Variants in CHODL observed in about 807,000 individuals in gnomAD.
CHODL encodes transmembrane protein MT75.
CHODL carries 29 observed loss-of-function variants against 34.5 expected under a neutral mutation model. The ratio of observed to expected loss-of-function variants is 0.84; its 90% CI spans 0.63 to 1.15. CHODL has a LOEUF of 1.15. Ranked by LOEUF, CHODL falls within the 50% of genes most tolerant of loss-of-function variation. The pLI, the probability that CHODL is intolerant of heterozygous loss-of-function variation, is 0.00. For missense variants in CHODL, 332 were observed against 332.5 expected (o/e 1.00, Z 0.01); for synonymous variants, 125 against 116.1 (o/e 1.08, Z -0.49).
intron 1 of CHODL, among the ~76,000 whole-genome samples, chr21:17,995,028 A>C (rs916665586): frequency 6.6e-6 from 1 of 152,096 alleles, no homozygotes; most frequent in Non-Finnish European, 1.5e-5. Context: ...AGGGCACTGC[A>C]TGGGCCAGAG....
At chr21:18,011,871 T>C (rs902438453) in intron 1 of CHODL, among the ~76,000 whole-genome samples, 3 of 152,254 alleles carry the variant, frequency 2.0e-5, no homozygotes, top group Non-Finnish European at 2.9e-5. Flanking sequence ...GAGTATTCTG[T>C]TCTGCAAAAT....
upstream of CHODL, among the ~76,000 whole-genome samples, chr21:18,241,667 G>A (rs1316208162): frequency 1.3e-5 from 2 of 152,154 alleles, no homozygotes; most frequent in African/African-American, 4.8e-5. Context: ...GGCGCATGAA[G>A]CAGATGCTCA....
chr21:18,175,183 C>G (rs71319675), intron 2 of CHODL, among the ~76,000 whole-genome samples: 2,857 of 152,296 alleles, frequency 0.019, 50 homozygotes, highest in Middle Eastern at 0.041. Context: ...AATTGCAGTA[C>G]AGATGCATTA....
At chr21:17,943,803 T>G (rs1246322384) in intron 1 of CHODL, among the ~76,000 whole-genome samples, 1 of 152,158 alleles carries the variant, frequency 6.6e-6, no homozygotes, top group Non-Finnish European at 1.5e-5. Context: ...GAAAGAGGAC[T>G]GGGGCAAGTC....
intron 2 of CHODL, among the ~76,000 whole-genome samples, chr21:18,196,506 A>C (rs2073589749): frequency 6.6e-6 from 1 of 152,192 alleles, no homozygotes; most frequent in African/African-American, 2.4e-5. Flanking sequence ...TGGCAGTTCA[A>C]CTGACAGAAA....
chr21:18,161,889 A>G (rs1469108731), intron 2 of CHODL, among the ~76,000 whole-genome samples: 1 of 152,190 alleles, frequency 6.6e-6, no homozygotes, highest in Admixed American at 6.5e-5. Context: ...TCCTTTTTAA[A>G]CAAATGCATG....
At chr21:18,201,044 T>G (rs2073645436) in intron 2 of CHODL, among the ~76,000 whole-genome samples, 1 of 152,192 alleles carries the variant, frequency 6.6e-6, no homozygotes, top group Non-Finnish European at 1.5e-5. Context: ...TTCTGTTGTC[T>G]TAAGCCACCC....
Position 18,174,133 on chromosome 21 carries a change from A to ATATATCTTGG in CHODL, c.-44-82371_-44-82370insCTTGGTATAT, listed in dbSNP as rs1568923100. On this transcript the variant is annotated intron_variant, in intron 2 of 6. Coordinates refer to the CHODL transcript ENST00000400127. Reference sequence around the variant, plus strand: ...TATATATATCTTGGTGTATATATATATATATATATATATATATATATATAT... The same window carrying ATATATCTTGG: ...TATATATATCTTGGTGTATATATATATATATCTTGGTATATATATATATATATATATATAT... Among the ~76,000 whole-genome samples, 29 of 17,830 alleles carry ATATATCTTGG rather than the reference A, an allele frequency of 1.6e-3. 1 individual carries two copies. Among genetic ancestry groups the ATATATCTTGG allele is most frequent in the Non-Finnish European group, 6.1e-3 (24 of 3,906 alleles). 11.7% of individuals were successfully genotyped at this position (17,830 alleles called of 152,430 possible).
At chr21:18,098,854 G>C (rs957685025) in intron 2 of CHODL, among the ~76,000 whole-genome samples, 1 of 152,032 alleles carries the variant, frequency 6.6e-6, no homozygotes, top group African/African-American at 2.4e-5. Context: ...AATGGAAAAG[G>C]AACACGTGGT....
At chr21:18,006,964 A>G (rs547426360) in intron 1 of CHODL, among the ~76,000 whole-genome samples, 1 of 152,362 alleles carries the variant, frequency 6.6e-6, no homozygotes, top group Non-Finnish European at 1.5e-5. Context: ...CCTATAAATG[A>G]GTAACAAAGG....
intron 2 of CHODL, among the ~76,000 whole-genome samples, chr21:18,044,970 T>C (rs975923989): frequency 2.0e-5 from 3 of 151,890 alleles, no homozygotes; most frequent in Non-Finnish European, 4.4e-5. Context: ...TGCAGATGCA[T>C]GTGGGTGAGG....
At chr21:18,254,057 T>A (rs913591213) in intron 1 of CHODL, among the ~76,000 whole-genome samples, 1 of 152,120 alleles carries the variant, frequency 6.6e-6, no homozygotes, top group Non-Finnish European at 1.5e-5. Flanking sequence ...GGTCATTAAC[T>A]GCTGACTCCA....
At chr21:18,234,174 A>C (rs1429891644) in intron 2 of CHODL, among the ~76,000 whole-genome samples, 3 of 152,168 alleles carry the variant, frequency 2.0e-5, no homozygotes, top group Non-Finnish European at 4.4e-5. Flanking sequence ...TCTCGTTCGA[A>C]TGCGCTACTT....
At chr21:18,065,244 G>GC (rs1455005038) in intron 2 of CHODL, among the ~76,000 whole-genome samples, 2 of 152,168 alleles carry the variant, frequency 1.3e-5, no homozygotes, top group African/African-American at 2.4e-5. Context: ...TAGCAGTCCT[G>GC]CATTGGAATA....
rs202157235 is a variant in CHODL, at chr21:18,167,226, T to G, written c.-44-89283T>G. Among the ~76,000 whole-genome samples the G allele has an allele frequency of 7.3e-3, 858 of 118,202 alleles. 4 individuals are homozygous for G. Among genetic ancestry groups the G allele is most frequent in the Non-Finnish European group, 0.01 (614 of 59,766 alleles). The allele number at this position is 118,202 out of a possible 152,430, so 77.5% of individuals were successfully genotyped here. ...TTCTCTCTCTCTGTGTGTGTGTGTG[T>G]GTGTGTGTGTGTGTGTGTGTGTGTG... is the stretch of plus-strand genomic sequence containing the variant. On this transcript the variant is annotated intron_variant, in intron 2 of 6. Transcript: ENST00000400127.
At chr21:18,112,772 C>G (rs205675) in intron 2 of CHODL, among the ~76,000 whole-genome samples, 121,239 of 152,170 alleles carry the variant, frequency 0.8, 48,410 homozygotes, top group East Asian at 0.88. Context: ...AATCTAAATG[C>G]ACCAAAGACT....
intron 2 of CHODL, among the ~76,000 whole-genome samples, chr21:18,216,922 G>A (rs935985916): frequency 2.6e-5 from 4 of 152,104 alleles, no homozygotes; most frequent in Non-Finnish European, 5.9e-5. Flanking sequence ...CCCATGACAC[G>A]TGGAGATTAC....
chr21:18,060,709 C>A (rs867591746), intron 2 of CHODL, among the ~76,000 whole-genome samples: 57 of 121,310 alleles, frequency 4.7e-4, no homozygotes, highest in Admixed American at 6.0e-4. Context: ...CTCCTCGGAC[C>A]AAAAAAAAAA....
chr21:18,169,506 T>C (rs1438699197), intron 2 of CHODL, among the ~76,000 whole-genome samples: 4 of 152,036 alleles, frequency 2.6e-5, no homozygotes, highest in African/African-American at 4.8e-5. Context: ...TGTAACTTTG[T>C]AGTAAGTTTT....
Sources: allele counts gnomAD v4.1 joint callset (sites outside exome capture counted in the v4.1 genomes callset), GRCh38; gene constraint gnomAD v4.1.1; transcripts MANE v1.5; gene names NCBI Gene and HGNC (gene_info 2026-07-23, HGNC 2026-07-21).